The following ARID5B variants were observed in gnomAD, a reference collection of about 807,000 sequenced individuals.
ARID5B encodes the protein AT-rich interaction domain 5B.
ARID5B carries 13 observed loss-of-function variants against 97.2 expected under a neutral mutation model. The observed-to-expected ratio is 0.13, with a 90% confidence interval of 0.09 to 0.21. The LOEUF (loss-of-function observed/expected upper bound fraction) is 0.21. Ranked by LOEUF, ARID5B falls within the 10% of genes least tolerant of loss-of-function variation. ARID5B has a pLI of 1.00. For synonymous variants in ARID5B, 556 were observed against 570.3 expected (o/e 0.97, Z 0.36); for missense variants, 1,210 against 1,465.3 (o/e 0.83, Z 2.84).
intron 7 of ARID5B, among the ~76,000 whole-genome samples, chr10:62,062,636 A>C (rs998502767): frequency 2.0e-5 from 3 of 152,228 alleles, no homozygotes; most frequent in African/African-American, 7.2e-5. Context: ...GCTCAAGAGC[A>C]GCAGAGAGTT....
chr10:61,947,026 AT>A (rs1475004064), intron 3 of ARID5B, among the ~76,000 whole-genome samples: 3 of 152,138 alleles, frequency 2.0e-5, no homozygotes, highest in Non-Finnish European at 4.4e-5. Context: ...TTTCCAAAGG[AT>A]TTTCTCTCTG....
chr10:61,998,875 G>C (rs1285621317), intron 3 of ARID5B, among the ~76,000 whole-genome samples: 1 of 152,188 alleles, frequency 6.6e-6, no homozygotes, highest in East Asian at 1.9e-4. Flanking sequence ...CACTGCTTTA[G>C]AACAACAAAG....
In ARID5B at chr10:62,092,444, A is replaced by G. The variant is rs1265170141; in HGVS notation, c.2981A>G (p.His994Arg). The G allele has an allele frequency of 6.2e-7, 1 of 1,614,178 alleles. No individual in the cohort carries two copies. Among genetic ancestry groups the G allele is most frequent in the Admixed American group, 1.7e-5 (1 of 60,016 alleles). The change falls in exon 10 of 10, where the codon CAC becomes CGC. Residue 994 changes from histidine to arginine, a missense_variant. By Grantham distance (29) the His-to-Arg change is conservative. This residue lies in a region of ARID5B where 800 missense variants were observed against 839.1 expected (regional missense o/e 0.95). Coordinates refer to ENST00000279873, the MANE Select transcript of ARID5B (RefSeq NM_032199.3). ...TTCAGGAAGATGGAAGGCATGGTCC[A>G]CCCAATCCTGCACCGGAAAATGAGC... ...ENFRKMEGMV[H>R]PILHRKMSPQ... is the part of the protein sequence containing the mutation.
chr10:61,973,647 A>G (rs544007054), intron 3 of ARID5B, among the ~76,000 whole-genome samples: 1 of 152,232 alleles, frequency 6.6e-6, no homozygotes, highest in Admixed American at 6.5e-5. Context: ...AATCTTTATT[A>G]TTGATTTTCT....
At chr10:61,994,032 G>A (rs993383220) in intron 3 of ARID5B, among the ~76,000 whole-genome samples, 4 of 152,072 alleles carry the variant, frequency 2.6e-5, no homozygotes, top group Admixed American at 1.3e-4. Flanking sequence ...GGGACATTGT[G>A]TCTCAAACTT....
At chr10:62,060,933 C>G (rs1839913475) in intron 7 of ARID5B, among the ~76,000 whole-genome samples, 1 of 152,082 alleles carries the variant, frequency 6.6e-6, no homozygotes, top group South Asian at 2.1e-4. Context: ...TTCCATGCAA[C>G]AGCAAGTTGA....
At chr10:61,937,241 A>G (rs1844321515) in intron 2 of ARID5B, among the ~76,000 whole-genome samples, 1 of 152,018 alleles carries the variant, frequency 6.6e-6, no homozygotes, top group South Asian at 2.1e-4. Context: ...ACTGTTTTTT[A>G]TTTTTATTTT....
intron 2 of ARID5B, among the ~76,000 whole-genome samples, chr10:61,912,690 A>G (rs1404353121): frequency 6.6e-6 from 1 of 150,734 alleles, no homozygotes; most frequent in Non-Finnish European, 1.5e-5. Context: ...ATATATGTAT[A>G]CACACATACA....
intron 4 of ARID5B, among the ~76,000 whole-genome samples, chr10:62,012,428 G>T (rs1038459437): frequency 6.6e-6 from 1 of 152,200 alleles, no homozygotes; most frequent in Non-Finnish European, 1.5e-5. Flanking sequence ...GGAGGCTGAC[G>T]TGGGAGGATC....
At chr10:61,943,625 A>AGAGAAGG (rs1428266765) in intron 3 of ARID5B, among the ~76,000 whole-genome samples, 1 of 152,212 alleles carries the variant, frequency 6.6e-6, no homozygotes, top group Non-Finnish European at 1.5e-5. Context: ...ATTGGTTCTT[A>AGAGAAGG]GAGAAGGGAT....
At chr10:61,997,411 G>A (rs1236270379) in intron 3 of ARID5B, among the ~76,000 whole-genome samples, 1 of 151,978 alleles carries the variant, frequency 6.6e-6, no homozygotes, top group Admixed American at 6.6e-5. Context: ...AGAATGAAGG[G>A]ATATGAAGGA....
intron 7 of ARID5B, among the ~76,000 whole-genome samples, chr10:62,062,730 G>A (rs1839937020): frequency 1.4e-5 from 2 of 143,218 alleles, no homozygotes; most frequent in East Asian, 4.2e-4. Context: ...GAGGGGAAGT[G>A]TAGAACTGTA....
chr10:61,927,104 T>G lies in ARID5B; in HGVS notation c.277-13079T>G, dbSNP rs73272186. Among the ~76,000 whole-genome samples, 486 of 152,258 alleles carry G rather than the reference T, an allele frequency of 3.2e-3. 1 individual carries two copies. The highest frequency in any genetic ancestry group is 0.011 in the African/African-American group (461 of 41,550). ...TCCTAGACAAAGAATTAAGAAGAGT[T>G]AGGAACATGCACAGTTACCCACAAG... On this transcript the variant is annotated intron_variant, in intron 2 of 9. Transcript: ENST00000279873.
intron 8 of ARID5B, among the ~76,000 whole-genome samples, chr10:62,080,688 A>G (rs1840200627): frequency 2.0e-5 from 3 of 152,222 alleles, no homozygotes; most frequent in South Asian, 2.1e-4. Flanking sequence ...GTAGAAATTT[A>G]TCAAGGCTGG....
chr10:61,930,326 C>T (rs1564604773), intron 2 of ARID5B, among the ~76,000 whole-genome samples: 1 of 152,172 alleles, frequency 6.6e-6, no homozygotes, highest in Non-Finnish European at 1.5e-5. Flanking sequence ...GTGTTCTGGA[C>T]TGTCTTTTCA....
chr10:61,919,620 G>A (rs368225425), intron 2 of ARID5B, among the ~76,000 whole-genome samples: 11 of 152,124 alleles, frequency 7.2e-5, no homozygotes, highest in South Asian at 2.1e-4. Flanking sequence ...CAGTCTCCTC[G>A]CCAAATGATT....
intron 4 of ARID5B, among the ~76,000 whole-genome samples, chr10:62,028,550 A>G (rs1030994357): frequency 1.3e-5 from 2 of 152,180 alleles, no homozygotes; most frequent in African/African-American, 2.4e-5. Flanking sequence ...GCTCCTGGGC[A>G]ATGACTCACC....
chr10:62,067,326 G>A (rs369715149), intron 7 of ARID5B, among the ~76,000 whole-genome samples: 24 of 152,242 alleles, frequency 1.6e-4, no homozygotes, highest in African/African-American at 4.3e-4. Flanking sequence ...CAGGTGATCC[G>A]CCCGCCTCGG....
chr10:62,008,875 C>G (rs777750010), intron 4 of ARID5B, among the ~76,000 whole-genome samples: 1 of 152,142 alleles, frequency 6.6e-6, no homozygotes, highest in South Asian at 2.1e-4. Context: ...TACACCTCTC[C>G]GTGATTTTCT....
Sources: allele counts gnomAD v4.1 joint callset (sites outside exome capture counted in the v4.1 genomes callset), GRCh38; gene constraint gnomAD v4.1.1; regional missense constraint gnomAD v4.1.1; transcripts MANE v1.5; gene names NCBI Gene and HGNC (gene_info 2026-07-23, HGNC 2026-07-21).